The following ABI3BP variants were observed in gnomAD, a reference collection of about 807,000 sequenced individuals.
The protein encoded by ABI3BP is ABI family member 3 binding protein.
Under a neutral mutation model 268.6 loss-of-function variants are expected in ABI3BP, and 216 were observed. The observed-to-expected ratio is 0.80, with a 90% CI of 0.72 to 0.90. The LOEUF is 0.90. Ranked by LOEUF, ABI3BP falls within the 40% of genes least tolerant of loss-of-function variation. ABI3BP has a pLI of 0.00. For missense variants in ABI3BP, 2,090 were observed against 2,182.4 expected (o/e 0.96, Z 0.84); for synonymous variants, 730 against 730.0 (o/e 1.00, Z 0.00).
chr3:100,803,178 G>T lies in ABI3BP; in HGVS notation c.3757+1614C>A, dbSNP rs957481662. Among the ~76,000 whole-genome samples, 2 of 146,102 alleles carry T rather than the reference G, an allele frequency of 1.4e-5. 1 individual carries two copies. The highest frequency in any genetic ancestry group is 4.9e-4 in the South Asian group (2 of 4,120). ...AAGAGAGACCCTAGTTCTCCAGGAGGCAGTTCTCTTACTCTGCTCGTTCAA... is the reference window on the plus strand; with the variant it reads ...AAGAGAGACCCTAGTTCTCCAGGAGTCAGTTCTCTTACTCTGCTCGTTCAA... On this transcript the variant is annotated intron_variant, in intron 51 of 67. Coordinates refer to ENST00000471714, the MANE Select transcript of ABI3BP (RefSeq NM_001375547.2).
Position 100,862,872 on chromosome 3 carries a change from T to G in ABI3BP, c.1176A>C (p.Thr392=). 2 of 1,535,706 alleles carry G rather than the reference T, an allele frequency of 1.3e-6. No individual in the cohort carries two copies. The highest frequency in any genetic ancestry group is 2.4e-5 in the East Asian group (1 of 40,862). ...KSLPEFPEAK[T]PFPFEKPRGT... ...CCCTAGGTTTCTCAAAAGGGAAGGG[T>G]GTTTTTGCCTCAGGAAATTCTGGAA... Residue 392 remains threonine, a synonymous_variant, in exon 13 of 68, where the codon ACA becomes ACC. Coordinates refer to ENST00000471714, the MANE Select transcript of ABI3BP (RefSeq NM_001375547.2).
intron 6 of ABI3BP, among the ~76,000 whole-genome samples, chr3:100,880,443 T>A (rs533110870): frequency 6.6e-6 from 1 of 152,316 alleles, no homozygotes; most frequent in African/African-American, 2.4e-5. Context: ...TTCTTTCTTG[T>A]CCTATAATAG....
At chr3:100,793,083 C>T (rs2152105540) in intron 54 of ABI3BP, among the ~76,000 whole-genome samples, 1 of 151,912 alleles carries the variant, frequency 6.6e-6, no homozygotes, top group South Asian at 2.1e-4. Context: ...TCCTAGTTGC[C>T]TCGATGTATT....
rs1012535563 is a variant in ABI3BP at position 100,752,945 on chromosome 3, C to G, written c.4964G>C (p.Gly1655Ala). 3 of 1,609,208 alleles carry G rather than the reference C, an allele frequency of 1.9e-6. No individual in the cohort carries two copies. In the African/African-American group the frequency reaches 4.0e-5, roughly 22 times the overall value. ...TCTTTCAGTCCAGATGGCATCTCTT[C>G]CTGCTACAAAAGGAAAATAGTTTGA... ...DPRVSEPVSA[G>A]RDAIWTERPF... Residue 1655 changes from glycine (G) to alanine (A), a missense_variant, in exon 66 of 68, where the codon GGA becomes GCA. Gly to Ala is a moderately conservative substitution (Grantham distance 60). Transcript: ENST00000471714.
chr3:100,974,787 T>C (rs1462892982), intron 1 of ABI3BP, among the ~76,000 whole-genome samples: 2 of 152,210 alleles, frequency 1.3e-5, no homozygotes, highest in Admixed American at 6.6e-5. Flanking sequence ...TTGTTGCTTA[T>C]TACCTAGATT....
chr3:100,980,961 G>T (rs759675624), intron 1 of ABI3BP, among the ~76,000 whole-genome samples: 5 of 152,190 alleles, frequency 3.3e-5, no homozygotes, highest in Non-Finnish European at 5.9e-5. Flanking sequence ...TTGAAAACCA[G>T]CTTTACAAAA....
chr3:100,958,803 T>C (rs1157465391), intron 1 of ABI3BP, among the ~76,000 whole-genome samples: 1 of 152,186 alleles, frequency 6.6e-6, no homozygotes, highest in African/African-American at 2.4e-5. Flanking sequence ...AGCCTGGAAA[T>C]GTAGACTATC....
intron 9 of ABI3BP, among the ~76,000 whole-genome samples, chr3:100,868,466 C>T (rs767491161): frequency 2.6e-5 from 4 of 152,170 alleles, no homozygotes; most frequent in Non-Finnish European, 4.4e-5. Flanking sequence ...ATTTTATAAT[C>T]TGTAGTTCAC....
chr3:100,946,060 T>C (rs2072036890), intron 1 of ABI3BP, among the ~76,000 whole-genome samples: 1 of 152,172 alleles, frequency 6.6e-6, no homozygotes, highest in Non-Finnish European at 1.5e-5. Flanking sequence ...CTGGGATTTC[T>C]ATCTTTAGTC....
Position 100,822,668 on chromosome 3 carries a change from G to C in ABI3BP, c.2808C>G (p.Ser936=), listed in dbSNP as rs1383698200. The C allele has an allele frequency of 2.0e-6, 3 of 1,536,340 alleles. No homozygotes were observed. The East Asian group carries it at 7.3e-5, about 38-fold the overall frequency. The change falls in exon 38 of 68, where the codon TCC becomes TCG. Residue 936 remains serine, a synonymous_variant. Transcript: ENST00000471714. ...LRPEASTTLA[S]KTSQRTRRPR... ...GACGACGTGTCCGTTGTGATGTTTT[G>C]GAAGCTGAAGGAAGAAGTTCTTGGG...
chr3:100,862,948 G>A (rs1181665674), intron 12 of ABI3BP, 39 bp from the exon 13 acceptor site: 1 of 1,404,600 alleles, frequency 7.1e-7, no homozygotes, highest in Non-Finnish European at 9.6e-7. Flanking sequence ...GACCTGAGGT[G>A]AAAGTAACAG....
intron 49 of ABI3BP, among the ~76,000 whole-genome samples, chr3:100,808,641 G>T (rs1293170434): frequency 1.3e-5 from 2 of 151,954 alleles, no homozygotes; most frequent in Admixed American, 1.3e-4. Context: ...ACATGTTATA[G>T]CCCAAATATA....
At chr3:100,798,225 T>C (rs1302956797) in intron 51 of ABI3BP, among the ~76,000 whole-genome samples, 1 of 152,176 alleles carries the variant, frequency 6.6e-6, no homozygotes, top group Admixed American at 6.6e-5. Flanking sequence ...GGATTCCAGC[T>C]GCTAAAATTG....
chr3:100,837,309 TA>T, intron 26 of ABI3BP, 138 bp from the exon 27 acceptor site: 1 of 568,942 alleles, frequency 1.8e-6, no homozygotes, highest in East Asian at 3.2e-5. Context: ...TTGATAGGCT[TA>T]TTTATTATGT....
Position 100,852,127 on chromosome 3 carries a change from C to T in ABI3BP, c.1286-187G>A, listed in dbSNP as rs538078505. 7.9e-5 allele frequency among the ~76,000 whole-genome samples: 12 copies of T among 152,238 alleles called. No individual in the cohort carries two copies. In the South Asian group the frequency reaches 1.7e-3, roughly 21 times the overall value. On this transcript the variant is annotated intron_variant, in intron 14 of 67. Transcript: ENST00000471714. ...TAAGCACCGAAACTCGCCTTTGGTC[C>T]TTTTTTGCTCTGAACCGCAGGATTT...
chr3:100,864,030 A>G lies in ABI3BP; in HGVS notation c.1110T>C (p.Pro370=), dbSNP rs1416331983. The G allele has an allele frequency of 1.3e-6, 2 of 1,535,926 alleles. No homozygotes were observed. The highest frequency in any genetic ancestry group is 3.9e-5 in the Admixed American group (2 of 51,008). Residue 370 remains proline, a synonymous_variant, in exon 12 of 68, where the codon CCT becomes CCC. Coordinates refer to ENST00000471714, the MANE Select transcript of ABI3BP (RefSeq NM_001375547.2). ...GAGTGCTCAGTGGCAATTCAAACTG[A>G]GGTATTAGAATAGTTTGCAATGTTT... ...TPETLQTILI[P]QFELPLSTLA...
intron 45 of ABI3BP, among the ~76,000 whole-genome samples, chr3:100,813,057 C>G (rs752128199): frequency 1.3e-5 from 2 of 151,894 alleles, no homozygotes; most frequent in African/African-American, 2.4e-5. Flanking sequence ...ATTTTTGTAT[C>G]TTTTGTAGAG....
intron 2 of ABI3BP, among the ~76,000 whole-genome samples, chr3:100,920,689 G>C (rs1448732492): frequency 1.3e-5 from 2 of 152,092 alleles, no homozygotes; most frequent in Non-Finnish European, 2.9e-5. Flanking sequence ...TCAAAGTGCT[G>C]GGATTACAGG....
chr3:100,955,907 G>A (rs1300050528), intron 1 of ABI3BP, among the ~76,000 whole-genome samples: 1 of 152,096 alleles, frequency 6.6e-6, no homozygotes, highest in Non-Finnish European at 1.5e-5. Context: ...GGTATGTGAG[G>A]CCAGGCATGG....
Sources: allele counts gnomAD v4.1 joint callset (sites outside exome capture counted in the v4.1 genomes callset), GRCh38; gene constraint gnomAD v4.1.1; transcripts MANE v1.5; gene names NCBI Gene and HGNC (gene_info 2026-07-23, HGNC 2026-07-21).